DST: variants seen among roughly 807,000 people sequenced by gnomAD.
DST encodes the protein bullous pemphigoid antigen.
Under a neutral mutation model 875.2 loss-of-function variants are expected in DST, and 253 were observed. The observed-to-expected ratio is 0.29, with a 90% CI of 0.26 to 0.32. The LOEUF is 0.32. DST is among the 10% of genes least tolerant of loss of function. DST has a pLI of 1.00. For synonymous variants in DST, 3,124 were observed against 3,197.1 expected, an observed-to-expected ratio of 0.98 and a Z score of 0.77; for missense variants, 8,287 against 9,111.6, an observed-to-expected ratio of 0.91 and a Z score of 3.68.
rs369250195 is a variant in DST at position 56,527,635 on chromosome 6, T to C, written c.17780A>G (p.Gln5927Arg). Residue 5927 changes from glutamine to arginine, a missense_variant, in exon 68 of 104, where the codon CAG (glutamine) becomes CGG (arginine). Coordinates refer to ENST00000680361, the MANE Select transcript of DST (RefSeq NM_001374736.1). ...CAGCCGCCTTGCAAGCTGCAGCGCC[T>C]GTTCCAGAGTCTTGGCCACATCAGT... is the stretch of plus-strand genomic sequence containing the variant. ...LSTDVAKTLEQALQLARRLHS... is the reference protein window; with the variant it reads ...LSTDVAKTLERALQLARRLHS... 5.6e-6 allele frequency: 9 copies of C among 1,613,864 alleles called. No individual in the cohort carries two copies. In the African/African-American group the frequency reaches 1.2e-4, roughly 22 times the overall value.
At chr6:56,889,388 C>T (rs938879314) in intron 3 of DST, among the ~76,000 whole-genome samples, 5 of 152,186 alleles carry the variant, frequency 3.3e-5, no homozygotes, top group African/African-American at 1.2e-4. Context: ...GTGTTAGGCC[C>T]ATATGTCCTC....
intron 54 of DST, 140 bp from the exon 55 acceptor site, chr6:56,568,735 C>T (rs1050825245): frequency 5.5e-6 from 4 of 730,278 alleles, no homozygotes; most frequent in Non-Finnish European, 8.4e-6. Context: ...GAAAAAGGCA[C>T]CTATTTGTTC....
chr6:56,497,088 A>G (rs1461064149), intron 82 of DST, among the ~76,000 whole-genome samples: 1 of 152,084 alleles, frequency 6.6e-6, no homozygotes, highest in African/African-American at 2.4e-5. Flanking sequence ...TGGGTGCAGG[A>G]CACCAGCATG....
At chr6:56,804,055 T>C (rs1287377045) in intron 4 of DST, among the ~76,000 whole-genome samples, 1 of 152,236 alleles carries the variant, frequency 6.6e-6, no homozygotes, top group Non-Finnish European at 1.5e-5. Flanking sequence ...CTATCTTTAC[T>C]GCGTAAATTT....
At position 56,646,122 on chromosome 6, in the gene DST, T is replaced by A; in HGVS notation, c.1615A>T (p.Lys539Ter). Residue 539 changes from lysine to a stop codon, truncating the protein, a stop_gained, in exon 14 of 104, where the codon AAA becomes TAA. Transcript: ENST00000680361. LOFTEE classifies it high-confidence loss of function. ...TTATATAGACGTTTAATTTTTGATT[T>A]TTCTGTCTCCTTTGGTGGAATTTCT... ...ETEIPPKETE[K>*]SKIKRLYKLL... 1 of 1,545,506 alleles carries A rather than the reference T, an allele frequency of 6.5e-7. No individual in the cohort carries two copies. The highest frequency in any genetic ancestry group is 8.8e-7 in the Non-Finnish European group (1 of 1,138,114).
chr6:56,549,220 T>G (rs191026625), intron 61 of DST, among the ~76,000 whole-genome samples: 89 of 152,244 alleles, frequency 5.8e-4, no homozygotes, highest in Non-Finnish European at 9.7e-4. Flanking sequence ...TATTTTGTAT[T>G]AAGAAAAACT....
chr6:56,459,873 T>C (rs1348454051), intron 103 of DST, among the ~76,000 whole-genome samples: 1 of 152,192 alleles, frequency 6.6e-6, no homozygotes, highest in Non-Finnish European at 1.5e-5. Context: ...CCAAAATCTT[T>C]CAGCTTGAAG....
chr6:56,947,707 A>G (rs974161890), intron 2 of DST, among the ~76,000 whole-genome samples: 1 of 152,214 alleles, frequency 6.6e-6, no homozygotes, highest in Admixed American at 6.5e-5. Context: ...CCTTTATGCA[A>G]TCTCAAGAGT....
At chr6:56,597,224 G>A (rs899246848) in intron 47 of DST, among the ~76,000 whole-genome samples, 56 of 149,202 alleles carry the variant, frequency 3.8e-4, no homozygotes, top group African/African-American at 1.4e-3. Flanking sequence ...TGGGCGACAG[G>A]GTGAGACCTT....
At chr6:56,931,760 C>T (rs1052093549) in intron 2 of DST, among the ~76,000 whole-genome samples, 2 of 152,156 alleles carry the variant, frequency 1.3e-5, no homozygotes, top group African/African-American at 4.8e-5. Context: ...TTGCATGGGC[C>T]TTTGTAACCA....
At chr6:56,720,349 C>CTTT (rs386407172) in intron 5 of DST, among the ~76,000 whole-genome samples, 64 of 130,226 alleles carry the variant, frequency 4.9e-4, no homozygotes, top group South Asian at 1.0e-3. Flanking sequence ...TTATCCTGTT[C>CTTT]TTTTTTTTTT....
chr6:56,706,397 TA>T (rs2099337776), intron 5 of DST, among the ~76,000 whole-genome samples: 1 of 152,068 alleles, frequency 6.6e-6, no homozygotes, highest in African/African-American at 2.4e-5. Flanking sequence ...TCAATTAGAA[TA>T]TTTACCTTGA....
chr6:56,884,476 TTATAAG>T (rs1304811054), intron 3 of DST, among the ~76,000 whole-genome samples: 1 of 152,204 alleles, frequency 6.6e-6, no homozygotes, highest in African/African-American at 2.4e-5. Flanking sequence ...CAAGAATACT[TTATAAG>T]TATTTTTGTA....
At chr6:56,619,953 C>T (rs751700507) in intron 36 of DST, 15 of 1,614,110 alleles carry the variant, frequency 9.3e-6, no homozygotes, top group Non-Finnish European at 1.3e-5. Context: ...AGTTCTTCTG[C>T]TTTCTGCTTG....
chr6:56,699,158 T>C (rs1290184125), intron 9 of DST, among the ~76,000 whole-genome samples: 1 of 152,230 alleles, frequency 6.6e-6, no homozygotes, highest in African/African-American at 2.4e-5. Context: ...TAAATTTGCA[T>C]TTTCCTCAAA....
intron 15 of DST, among the ~76,000 whole-genome samples, chr6:56,645,431 C>G (rs778171666): frequency 2.0e-5 from 3 of 152,144 alleles, no homozygotes; most frequent in Non-Finnish European, 2.9e-5. Flanking sequence ...GTGTTCTAGA[C>G]GCCATCCAAC....
rs144109691 is a variant in DST, at chr6:56,555,418, C to T, written c.15063G>A (p.Glu5021=). Residue 5021 remains glutamate, a synonymous_variant, in exon 60 of 104, where the codon GAG becomes GAA. Transcript: ENST00000680361. ...CEDLSALVKE[E]YLKAELSRQL... is the part of the protein sequence containing the mutation. ...GCCTACTAAGTTCTGCTTTCAAGTACTCTTCTTTAACCAGTGCTGACAAAT... is the reference window on the plus strand; with the variant it reads ...GCCTACTAAGTTCTGCTTTCAAGTATTCTTCTTTAACCAGTGCTGACAAAT... 6.2e-7 allele frequency: 1 copy of T among 1,613,542 alleles called. No homozygotes were observed. Among genetic ancestry groups the T allele is most frequent in the Non-Finnish European group, 8.5e-7 (1 of 1,179,662 alleles).
intron 70 of DST, 37 bp from the exon 71 acceptor site, chr6:56,517,342 A>C (rs1459305950): frequency 1.3e-6 from 2 of 1,597,112 alleles, no homozygotes; most frequent in Admixed American, 3.4e-5. Flanking sequence ...AAATAAAACA[A>C]GAAATTGTAT....
At chr6:56,735,714 G>C (rs555593114) in intron 4 of DST, among the ~76,000 whole-genome samples, 1 of 152,166 alleles carries the variant, frequency 6.6e-6, no homozygotes, top group Non-Finnish European at 1.5e-5. Flanking sequence ...ACTTAACGAG[G>C]ATAAAAGACT....
Sources: allele counts gnomAD v4.1 joint callset (sites outside exome capture counted in the v4.1 genomes callset), GRCh38; gene constraint gnomAD v4.1.1; transcripts MANE v1.5; gene names NCBI Gene and HGNC (gene_info 2026-07-23, HGNC 2026-07-21).